CELF2: variants seen among roughly 807,000 people sequenced by gnomAD.
The protein encoded by CELF2 is CUGBP Elav-like family member 2, also known as CUG triplet repeat RNA-binding protein 2.
In CELF2, 8 loss-of-function variants were observed where a neutral mutation model predicts 62.6. The ratio of observed to expected loss-of-function variants is 0.13; its 90% CI spans 0.07 to 0.23. CELF2 has a LOEUF of 0.23. Ranked by LOEUF, CELF2 falls within the 10% of genes least tolerant of loss-of-function variation. CELF2 has a pLI of 1.00. For synonymous variants in CELF2, 258 were observed against 250.0 expected (o/e 1.03, Z -0.30); for missense variants, 333 against 671.0 (o/e 0.50, Z 5.56).
chr10:10,932,466 CCA>C (rs1179416245), intron 2 of CELF2, among the ~76,000 whole-genome samples: 3 of 152,052 alleles, frequency 2.0e-5, no homozygotes, highest in Admixed American at 1.3e-4. Flanking sequence ...TTTAATCATT[CCA>C]CAGTCTATGT....
At chr10:11,282,833 G>T (rs1430478527) in intron 8 of CELF2, among the ~76,000 whole-genome samples, 2 of 152,220 alleles carry the variant, frequency 1.3e-5, no homozygotes, top group East Asian at 1.9e-4. Context: ...CGCTGCCTTC[G>T]GGAGGTGGTG....
Position 11,249,137 on chromosome 10 carries a change from C to T in CELF2, c.355-16C>T. ...TTGTTCAATCTGCCTTTACTTTCTC[C>T]CTTTTGTGTTTTTAGATGCATCATC... On this transcript the variant is annotated splice_polypyrimidine_tract_variant and intron_variant, in intron 3 of 12. Coordinates refer to ENST00000633077, the MANE Select transcript of CELF2 (RefSeq NM_001326342.2). 6.2e-7 allele frequency: 1 copy of T among 1,609,820 alleles called. No homozygotes were observed.
intron 2 of CELF2, among the ~76,000 whole-genome samples, chr10:11,182,783 G>C (rs1184181580): frequency 6.6e-6 from 1 of 152,110 alleles, no homozygotes; most frequent in Non-Finnish European, 1.5e-5. Context: ...TGTGTTAATG[G>C]AACAGTCTTC....
chr10:10,467,379 C>A, the CELF2 span, among the ~76,000 whole-genome samples: 1 of 151,892 alleles, frequency 6.6e-6, no homozygotes, highest in Admixed American at 6.6e-5. Flanking sequence ...GTTTATTTGT[C>A]AAAAATCACT....
the CELF2 span, among the ~76,000 whole-genome samples, chr10:10,514,695 T>TG: frequency 1.3e-5 from 2 of 151,968 alleles, no homozygotes; most frequent in African/African-American, 2.4e-5. Flanking sequence ...CGGTGGTGGA[T>TG]GGGGGTGTGT....
intron 1 of CELF2, among the ~76,000 whole-genome samples, chr10:11,138,702 T>C (rs924543919): frequency 1.3e-5 from 2 of 152,234 alleles, no homozygotes; most frequent in African/African-American, 4.8e-5. Context: ...TTGTTTTCTT[T>C]AAAGAAGCCA....
the CELF2 span, among the ~76,000 whole-genome samples, chr10:10,705,099 TC>T: frequency 6.6e-6 from 1 of 151,972 alleles, no homozygotes; most frequent in African/African-American, 2.4e-5. Flanking sequence ...GGTCGGAAGA[TC>T]GCTTGAGCGT....
intron 1 of CELF2, among the ~76,000 whole-genome samples, chr10:10,835,262 T>A (rs2058187402): frequency 6.6e-6 from 1 of 152,096 alleles, no homozygotes. Context: ...TATTTTTTAT[T>A]ATTATTTTTG....
the CELF2 span, among the ~76,000 whole-genome samples, chr10:10,749,105 T>C: frequency 6.6e-6 from 1 of 152,160 alleles, no homozygotes; most frequent in Non-Finnish European, 1.5e-5. Context: ...TGTGTTGAGT[T>C]TGAAATGCTT....
At chr10:10,708,221 C>T in the CELF2 span, among the ~76,000 whole-genome samples, 25 of 152,156 alleles carry the variant, frequency 1.6e-4, no homozygotes, top group African/African-American at 6.0e-4. Context: ...TCCACAAGCT[C>T]AGAAACTCAG....
At chr10:10,867,881 C>T (rs903749689) in intron 1 of CELF2, among the ~76,000 whole-genome samples, 2 of 152,230 alleles carry the variant, frequency 1.3e-5, no homozygotes. Flanking sequence ...ATTCTGTCTT[C>T]GTTTCCACAT....
intron 9 of CELF2, among the ~76,000 whole-genome samples, chr10:11,291,115 C>A (rs1374917312): frequency 6.6e-6 from 1 of 152,122 alleles, no homozygotes; most frequent in Non-Finnish European, 1.5e-5. Flanking sequence ...CTATTTGGAC[C>A]ATGAGCCAGT....
chr10:10,688,891 C>T, the CELF2 span, among the ~76,000 whole-genome samples: 1 of 152,022 alleles, frequency 6.6e-6, no homozygotes, highest in African/African-American at 2.4e-5. Flanking sequence ...GTAGTCCCAG[C>T]TACTCGGGAG....
At position 11,142,442 on chromosome 10, in the gene CELF2, T is replaced by C. The variant is rs1444754106; in HGVS notation, c.75-23044T>C. On this transcript the variant is annotated intron_variant, in intron 1 of 12. Coordinates refer to ENST00000633077, the MANE Select transcript of CELF2 (RefSeq NM_001326342.2). Reference sequence around the variant, plus strand: ...GCTCACGCCTGTAATCCCAGCACTTTGGGAGGCCGAGGCAGGCAGATCACG... The same window carrying C: ...GCTCACGCCTGTAATCCCAGCACTTCGGGAGGCCGAGGCAGGCAGATCACG... Among the ~76,000 whole-genome samples the C allele has an allele frequency of 5.9e-5, 9 of 152,196 alleles. No individual in the cohort carries two copies. In the East Asian group the frequency reaches 1.2e-3, roughly 20 times the overall value.
At chr10:11,123,863 T>C (rs1195733242) in intron 1 of CELF2, among the ~76,000 whole-genome samples, 2 of 152,232 alleles carry the variant, frequency 1.3e-5, no homozygotes, top group African/African-American at 2.4e-5. Flanking sequence ...TTCTTTCTTA[T>C]GTCCCTGTCT....
chr10:10,771,523 C>G, the CELF2 span, among the ~76,000 whole-genome samples: 1 of 152,176 alleles, frequency 6.6e-6, no homozygotes, highest in East Asian at 1.9e-4. Context: ...GCTGTACTCC[C>G]ATAATTCCTA....
At chr10:10,712,147 CAAAAA>C in the CELF2 span, among the ~76,000 whole-genome samples, 26 of 43,424 alleles carry the variant, frequency 6.0e-4, no homozygotes, top group South Asian at 1.0e-3. Flanking sequence ...AGGATAGAGA[CAAAAA>C]AAAAAAAAAA....
intron 1 of CELF2, among the ~76,000 whole-genome samples, chr10:10,815,908 T>G (rs549803977): frequency 6.6e-6 from 1 of 151,202 alleles, no homozygotes; most frequent in South Asian, 2.1e-4. Context: ...TGGGTTGTTT[T>G]TTTTTTTTTT....
intron 1 of CELF2, among the ~76,000 whole-genome samples, chr10:10,877,557 A>T (rs2061185211): frequency 6.6e-6 from 1 of 152,216 alleles, no homozygotes; most frequent in Non-Finnish European, 1.5e-5. Flanking sequence ...CTTTGAATAG[A>T]ATGAAAGGCA....
Sources: gnomAD v4.1 joint callset for allele counts (sites outside exome capture counted in the v4.1 genomes callset) on GRCh38, gnomAD v4.1.1 for gene constraint, MANE v1.5 for transcripts, NCBI Gene and HGNC (gene_info 2026-07-23, HGNC 2026-07-21) for gene names.